Variants in MYH14 observed in about 807,000 individuals in gnomAD.
The protein encoded by MYH14 is myosin heavy chain 14, also known as myosin-14.
A neutral mutation model predicts 255.5 loss-of-function variants in MYH14; 123 were observed. The ratio of observed to expected loss-of-function variants is 0.48; its 90% CI spans 0.42 to 0.56. The LOEUF (loss-of-function observed/expected upper bound fraction) is 0.56. Ranked by LOEUF, MYH14 falls within the 20% of genes least tolerant of loss-of-function variation. The probability of loss-of-function intolerance (pLI) is 0.00; values close to 1 mark genes in which losing one functional copy is unlikely to be tolerated. For synonymous variants in MYH14, 1,095 were observed against 1,161.2 expected, an observed-to-expected ratio of 0.94 and a Z score of 1.16; for missense variants, 2,423 against 2,802.3, an observed-to-expected ratio of 0.86 and a Z score of 3.06.
chr19:50,273,596 T>TGG (rs373027155), intron 27 of MYH14, among the ~76,000 whole-genome samples: 1 of 91,474 alleles, frequency 1.1e-5, no homozygotes, highest in Non-Finnish European at 2.3e-5. Flanking sequence ...TGATGGAACA[T>TGG]GGGGGGTGTG....
chr19:50,247,617 C>T (rs763299543), intron 12 of MYH14, among the ~76,000 whole-genome samples: 21 of 152,034 alleles, frequency 1.4e-4, no homozygotes, highest in Non-Finnish European at 1.8e-4. Context: ...GTGAGAGCAC[C>T]TGTGAAGGGG....
At chr19:50,275,625 G>C (rs986341535) in intron 27 of MYH14, among the ~76,000 whole-genome samples, 2 of 152,156 alleles carry the variant, frequency 1.3e-5, no homozygotes, top group Non-Finnish European at 2.9e-5. Context: ...CCAGGAGTTC[G>C]AGACCAGCCC....
chr19:50,257,003 T>C lies in MYH14; in HGVS notation c.2045-296T>C, dbSNP rs116232606. 5.0e-3 allele frequency among the ~76,000 whole-genome samples: 763 copies of C among 152,342 alleles called. 5 individuals are homozygous for C. The highest frequency in any genetic ancestry group is 0.018 in the African/African-American group (730 of 41,576). ...TTATTGATAAGGAAAACAGAGATCA[T>C]GTCCTTGAAGAGAAGAAGGGTCAAA... is the stretch of plus-strand genomic sequence containing the variant. On this transcript the variant is annotated intron_variant, in intron 17 of 42. Transcript: ENST00000642316.
At chr19:50,296,623 A>G (rs2036275379) in intron 39 of MYH14, among the ~76,000 whole-genome samples, 1 of 152,212 alleles carries the variant, frequency 6.6e-6, no homozygotes, top group African/African-American at 2.4e-5. Flanking sequence ...AAGAAAAAGA[A>G]AAGAAGAGAA....
chr19:50,235,432 C>A (rs1356367959), intron 10 of MYH14, among the ~76,000 whole-genome samples: 2 of 151,976 alleles, frequency 1.3e-5, no homozygotes, highest in African/African-American at 4.8e-5. Flanking sequence ...CTAGAGACCC[C>A]CCTGGACCCT....
rs552803933 is a variant in MYH14 at position 50,239,644 on chromosome 19, G to C, written c.1115-4598G>C. ...CGCTCACTGCAAGCTCCGCCTCCCC[G>C]GTTCATGCCATTCTCCTGCCTCAGC... On this transcript the variant is annotated intron_variant, in intron 10 of 42. Coordinates refer to ENST00000642316, the MANE Select transcript of MYH14 (RefSeq NM_001145809.2). Among the ~76,000 whole-genome samples, 7 of 152,042 alleles carry C rather than the reference G, an allele frequency of 4.6e-5. No homozygotes were observed. In the East Asian group the frequency reaches 1.4e-3, roughly 29 times the overall value.
chr19:50,219,258 G>A (rs1174082346), intron 3 of MYH14, among the ~76,000 whole-genome samples: 1 of 151,544 alleles, frequency 6.6e-6, no homozygotes, highest in Admixed American at 6.6e-5. Flanking sequence ...GTGTGCAAGT[G>A]TCTTTTTCAT....
chr19:50,260,837 ACGTGTGTGCGTG>A, intron 20 of MYH14, 122 bp downstream of exon 20: 2 of 690,776 alleles, frequency 2.9e-6, no homozygotes, highest in East Asian at 2.9e-5. Context: ...GTGTGCATGC[ACGTGTGTGCGTG>A]TGTGTGTGCA....
At chr19:50,236,256 C>T (rs1210785544) in intron 10 of MYH14, among the ~76,000 whole-genome samples, 1 of 151,912 alleles carries the variant, frequency 6.6e-6, no homozygotes, top group Non-Finnish European at 1.5e-5. Flanking sequence ...TCTCTTGAGC[C>T]CGGGAGGTGG....
chr19:50,215,019 G>T (rs374120065), intron 2 of MYH14, among the ~76,000 whole-genome samples: 1 of 129,924 alleles, frequency 7.7e-6, no homozygotes, highest in Non-Finnish European at 1.6e-5. Context: ...TGAGGGGAGC[G>T]GGGGGGCAGG....
intron 1 of MYH14, among the ~76,000 whole-genome samples, chr19:50,206,896 G>C (rs1394897773): frequency 6.6e-6 from 1 of 151,828 alleles, no homozygotes; most frequent in Non-Finnish European, 1.5e-5. Flanking sequence ...TGGTGGGGCA[G>C]TGATGGGGAC....
At chr19:50,283,565 T>C (rs748589738) in intron 33 of MYH14, among the ~76,000 whole-genome samples, 3 of 152,224 alleles carry the variant, frequency 2.0e-5, no homozygotes, top group Non-Finnish European at 4.4e-5. Flanking sequence ...TGATGAACAT[T>C]TGGGTTTTTT....
rs1271866256 is a variant in MYH14 at position 50,310,187 on chromosome 19, C to T, written c.*397C>T. On this transcript the variant is annotated 3_prime_UTR_variant, in exon 43 of 43. Coordinates refer to ENST00000642316, the MANE Select transcript of MYH14 (RefSeq NM_001145809.2). The stretch of plus-strand genomic sequence containing the variant: ...TCCCTCTGCTTCTCTCTCTCTCTCT[C>T]TCTCTCCCTCCCTCTCCTTCCCTAC... 1 of 286,052 alleles carries T rather than the reference C, an allele frequency of 3.5e-6. No homozygotes were observed. The highest frequency in any genetic ancestry group is 2.3e-5 in the African/African-American group (1 of 44,122). 17.7% of individuals were successfully genotyped at this position (286,052 alleles called of 1,614,324 possible).
Position 50,249,667 on chromosome 19 carries a change from G to T in MYH14, c.1500G>T (p.Gln500His). The T allele has an allele frequency of 6.2e-7, 1 of 1,614,204 alleles. No homozygotes were observed. The highest frequency in any genetic ancestry group is 8.5e-7 in the Non-Finnish European group (1 of 1,180,048). ...FEIFQLNSFEQLCINYTNEKL... is the reference protein window; with the variant it reads ...FEIFQLNSFEHLCINYTNEKL... ...CCCTGCAGCTGAACTCCTTCGAGCA[G>T]CTCTGCATCAACTACACCAACGAGA... is the stretch of plus-strand genomic sequence containing the variant. Residue 500 changes from glutamine to histidine, a missense_variant, in exon 14 of 43, where the codon CAG (glutamine) becomes CAT (histidine). Transcript: ENST00000642316.
chr19:50,298,247 G>T (rs1211772318), intron 39 of MYH14, among the ~76,000 whole-genome samples: 1 of 152,126 alleles, frequency 6.6e-6, no homozygotes, highest in Non-Finnish European at 1.5e-5. Flanking sequence ...AGGGTCCTGT[G>T]ATCCACAGTC....
At chr19:50,298,819 T>A (rs2036375348) in intron 39 of MYH14, among the ~76,000 whole-genome samples, 1 of 151,224 alleles carries the variant, frequency 6.6e-6, no homozygotes, top group Non-Finnish European at 1.5e-5. Context: ...CAGTGGCTCA[T>A]GCCTGTAATC....
At chr19:50,302,606 GA>G (rs2036528082) in intron 40 of MYH14, among the ~76,000 whole-genome samples, 1 of 136,144 alleles carries the variant, frequency 7.3e-6, no homozygotes, top group African/African-American at 2.8e-5. Context: ...AAGAAAAAAA[GA>G]AAAGAAAAAG....
intron 1 of MYH14, among the ~76,000 whole-genome samples, chr19:50,206,942 A>G (rs805466): frequency 0.93 from 140,275 of 151,098 alleles, 65,127 homozygotes; most frequent in East Asian, 1. Flanking sequence ...GGCCGGGCGT[A>G]GTGGCTCATG....
In MYH14 at chr19:50,250,758, G is replaced by T; in HGVS notation, c.1830+70G>T. ...AGGGATCTCCACTGGCTACAGATGG[G>T]GGGAGGGTGCAGAGGGAAAACAGGG... On this transcript the variant is annotated intron_variant, in intron 15 of 42. Coordinates refer to ENST00000642316, the MANE Select transcript of MYH14 (RefSeq NM_001145809.2). This position sits in a 1 kb window ranked among gnomAD's most constrained non-coding sequence, Gnocchi z 5.4. 1 of 1,509,074 alleles carries T rather than the reference G, an allele frequency of 6.6e-7. No homozygotes were observed. Among genetic ancestry groups the T allele is most frequent in the Non-Finnish European group, 9.0e-7 (1 of 1,106,606 alleles). The allele number at this position is 1,509,074 out of a possible 1,614,324, so 93.5% of individuals were successfully genotyped here. A position where few individuals can be genotyped will look rare whatever the true frequency, so the allele number is the denominator to read the frequency against.
Sources: gnomAD v4.1 joint callset for allele counts (sites outside exome capture counted in the v4.1 genomes callset) on GRCh38, gnomAD v4.1.1 for gene constraint, Gnocchi (gnomAD v3.1) non-coding constraint, MANE v1.5 for transcripts, NCBI Gene and HGNC (gene_info 2026-07-23, HGNC 2026-07-21) for gene names.